The following KIRREL3 variants were observed in gnomAD, a reference collection of about 807,000 sequenced individuals.
The protein encoded by KIRREL3 is kin of IRRE-like protein 3.
KIRREL3 carries 36 observed loss-of-function variants against 89.7 expected under a neutral mutation model. The ratio of observed to expected loss-of-function variants is 0.40; its 90% CI spans 0.31 to 0.53. The LOEUF is 0.53. KIRREL3 is among the 20% of genes least tolerant of loss of function. The pLI is 0.49. For missense variants in KIRREL3, 864 were observed against 1,056.6 expected, an observed-to-expected ratio of 0.82 and a Z score of 2.53; for synonymous variants, 445 against 441.4, an observed-to-expected ratio of 1.01 and a Z score of -0.10.
In KIRREL3 at chr11:126,652,162, C is replaced by T. The variant is rs1204369745; in HGVS notation, c.56-89250G>A. Among the ~76,000 whole-genome samples, 3 of 152,132 alleles carry T rather than the reference C, an allele frequency of 2.0e-5. No individual in the cohort carries two copies. The East Asian group carries it at 5.8e-4, about 29-fold the overall frequency. On this transcript the variant is annotated intron_variant, in intron 1 of 16. Coordinates refer to ENST00000525144, the MANE Select transcript of KIRREL3 (RefSeq NM_032531.4). This position sits in a 1 kb window ranked among gnomAD's most constrained non-coding sequence, Gnocchi z 4.9. ...AACCCAAGGTTCTGGAGGTCACTGG[C>T]AGGCTGGAATTTCAGCCCCTCAGAG... is the stretch of plus-strand genomic sequence containing the variant.
rs190154754 is a variant in KIRREL3, at chr11:126,535,346, C to A, written c.134-8659G>T. On this transcript the variant is annotated intron_variant, in intron 2 of 16. Transcript: ENST00000525144. The surrounding 1 kb of genome is among the most constrained non-coding windows in gnomAD (Gnocchi z 4.5). Reference sequence around the variant, plus strand: ...CACACATTATCACGGAATGAACCATCACCATCTGGCTCCCAAAGTCCCCAC... The same window carrying A: ...CACACATTATCACGGAATGAACCATAACCATCTGGCTCCCAAAGTCCCCAC... 9.2e-5 allele frequency among the ~76,000 whole-genome samples: 14 copies of A among 152,306 alleles called. No homozygotes were observed. The highest frequency in any genetic ancestry group is 2.9e-4 in the African/African-American group (12 of 41,568).
At position 126,890,529 on chromosome 11, in the gene KIRREL3, G is replaced by A. The variant is rs115488712; in HGVS notation, c.55+109926C>T. Among the ~76,000 whole-genome samples the A allele has an allele frequency of 2.6e-5, 4 of 152,194 alleles. No individual in the cohort carries two copies. The highest frequency in any genetic ancestry group is 6.5e-5 in the Admixed American group (1 of 15,282). On this transcript the variant is annotated intron_variant, in intron 1 of 16. Coordinates refer to ENST00000525144, the MANE Select transcript of KIRREL3 (RefSeq NM_032531.4). The surrounding 1 kb of genome is among the most constrained non-coding windows in gnomAD (Gnocchi z 5.1). Reference sequence around the variant, plus strand: ...TCATCAAGCACTTTGCCATTTAATGGTGACCAAATCCCTCCAGTTTTCTGC... The same window carrying A: ...TCATCAAGCACTTTGCCATTTAATGATGACCAAATCCCTCCAGTTTTCTGC...
In KIRREL3 at chr11:126,844,959, C is replaced by T. The variant is rs1565346000; in HGVS notation, c.55+155496G>A. 6.6e-6 allele frequency among the ~76,000 whole-genome samples: 1 copy of T among 152,146 alleles called. No homozygotes were observed. Among genetic ancestry groups the T allele is most frequent in the South Asian group, 2.1e-4 (1 of 4,830 alleles). ...CTGGCCTCTCTGAGCTCTCTGCCTT[C>T]CCCACCCTGCTGTGCACAATGCTTT... On this transcript the variant is annotated intron_variant, in intron 1 of 16. Coordinates refer to ENST00000525144, the MANE Select transcript of KIRREL3 (RefSeq NM_032531.4). The surrounding 1 kb of genome is among the most constrained non-coding windows in gnomAD (Gnocchi z 4.8).
rs1389734064 is a variant in KIRREL3, at chr11:126,744,902, G to A, written c.56-181990C>T. On this transcript the variant is annotated intron_variant, in intron 1 of 16. Coordinates refer to ENST00000525144, the MANE Select transcript of KIRREL3 (RefSeq NM_032531.4). This position sits in a 1 kb window ranked among gnomAD's most constrained non-coding sequence, Gnocchi z 4.7. ...AAAAAAAAAAAAAAAGGTGGGAAAA[G>A]TAGCTGAGAACTGGTTTACTGAGGA... 6.6e-6 allele frequency among the ~76,000 whole-genome samples: 1 copy of A among 150,730 alleles called. No individual in the cohort carries two copies. Among genetic ancestry groups the A allele is most frequent in the African/African-American group, 2.4e-5 (1 of 40,984 alleles).
chr11:126,959,069 G>A (rs1949006278), intron 1 of KIRREL3, among the ~76,000 whole-genome samples: 1 of 152,158 alleles, frequency 6.6e-6, no homozygotes, highest in Non-Finnish European at 1.5e-5. Flanking sequence ...CTGAATAAGA[G>A]GGTACTCTTC....
chr11:126,457,355 G>GTT (rs1956396058), intron 6 of KIRREL3, among the ~76,000 whole-genome samples: 1 of 95,500 alleles, frequency 1.0e-5, no homozygotes, highest in South Asian at 3.8e-4. Flanking sequence ...GTGTATGTAT[G>GTT]TCTCTGTGTG....
chr11:126,968,725 G>A (rs1949349166), intron 1 of KIRREL3, among the ~76,000 whole-genome samples: 1 of 152,196 alleles, frequency 6.6e-6, no homozygotes, highest in African/African-American at 2.4e-5. Flanking sequence ...TAACACGGCA[G>A]CCCCTTTTGG....
chr11:126,445,197 T>C, intron 9 of KIRREL3, 92 bp from the exon 10 acceptor site: 1 of 1,498,276 alleles, frequency 6.7e-7, no homozygotes, highest in South Asian at 1.2e-5. Context: ...TGGCCTGGGG[T>C]AACTGAGGCA....
chr11:126,689,734 T>G lies in KIRREL3; in HGVS notation c.56-126822A>C, dbSNP rs1946808759. On this transcript the variant is annotated intron_variant, in intron 1 of 16. Transcript: ENST00000525144. This position sits in a 1 kb window ranked among gnomAD's most constrained non-coding sequence, Gnocchi z 5.2. ...CTACCTGTCTTCCTGTCACTTTTCT[T>G]TGGCCACCTGGGTCTCAGCAGAGGC... Among the ~76,000 whole-genome samples, 2 of 152,236 alleles carry G rather than the reference T, an allele frequency of 1.3e-5. No homozygotes were observed. Among genetic ancestry groups the G allele is most frequent in the African/African-American group, 2.4e-5 (1 of 41,466 alleles).
At position 126,571,421 on chromosome 11, in the gene KIRREL3, G is replaced by T. The variant is rs508073; in HGVS notation, c.56-8509C>A. Among the ~76,000 whole-genome samples the T allele has an allele frequency of 0.25, 37,523 of 152,054 alleles. 4,799 individuals carry two copies. The highest frequency in any genetic ancestry group is 0.29 in the Non-Finnish European group (19,387 of 67,952). ...TTACTATCTTTGGGGGCTGGGTGCA[G>T]CCCAGCCTTGCCCCTCTCCCTTGGC... On this transcript the variant is annotated intron_variant, in intron 1 of 16. Transcript: ENST00000525144. This position sits in a 1 kb window ranked among gnomAD's most constrained non-coding sequence, Gnocchi z 7.7.
chr11:126,939,304 C>T (rs1458319657), intron 1 of KIRREL3, among the ~76,000 whole-genome samples: 1 of 152,174 alleles, frequency 6.6e-6, no homozygotes, highest in East Asian at 1.9e-4. Context: ...CCTTCGAGCG[C>T]TTAATTAGTT....
Position 126,995,112 on chromosome 11 carries a change from T to C in KIRREL3, c.55+5343A>G, listed in dbSNP as rs1381772547. On this transcript the variant is annotated intron_variant, in intron 1 of 16. Coordinates refer to ENST00000525144, the MANE Select transcript of KIRREL3 (RefSeq NM_032531.4). The surrounding 1 kb of genome is among the most constrained non-coding windows in gnomAD (Gnocchi z 6.5). ...CGATTACAACCTGGGCGCAGTATAC[T>C]GGCTGGCTTTGCTGCTCACTCCCTT... 1 of 445,352 alleles carries C rather than the reference T, an allele frequency of 2.2e-6. No individual in the cohort carries two copies. The allele number at this position is 445,352 out of a possible 1,614,324, so 27.6% of individuals were successfully genotyped here.
rs1198736606 is a variant in KIRREL3 at position 126,455,197 on chromosome 11, T to G, written c.848+1152A>C. 6.6e-6 allele frequency among the ~76,000 whole-genome samples: 1 copy of G among 152,274 alleles called. No homozygotes were observed. The highest frequency in any genetic ancestry group is 1.9e-4 in the East Asian group (1 of 5,162). On this transcript the variant is annotated intron_variant, in intron 7 of 16. Transcript: ENST00000525144. The surrounding 1 kb of genome is among the most constrained non-coding windows in gnomAD (Gnocchi z 6.4). The stretch of plus-strand genomic sequence containing the variant: ...GGCTCCACCACTAAGCCTGGTCTGG[T>G]GGAAAGAGACCAGGCTGAGTCAGGG...
intron 1 of KIRREL3, among the ~76,000 whole-genome samples, chr11:126,823,451 A>G (rs1460875008): frequency 6.6e-6 from 1 of 152,114 alleles, no homozygotes; most frequent in Non-Finnish European, 1.5e-5. Context: ...TATGTTAGAC[A>G]TCTGTGTCCT....
At chr11:126,512,004 G>A (rs767012474) in intron 4 of KIRREL3, among the ~76,000 whole-genome samples, 3 of 152,150 alleles carry the variant, frequency 2.0e-5, no homozygotes, top group Non-Finnish European at 4.4e-5. Context: ...AGCTGGAGCT[G>A]GGACAGGGGT....
Position 126,782,515 on chromosome 11 carries a change from C to T in KIRREL3, c.55+217940G>A, listed in dbSNP as rs369349292. On this transcript the variant is annotated intron_variant, in intron 1 of 16. Transcript: ENST00000525144. The surrounding 1 kb of genome is among the most constrained non-coding windows in gnomAD (Gnocchi z 4.1). ...GCAGGGGTGCCACTAGCTGATTTAG[C>T]GACTTTTGTATTAATTCAGAAAAGA... 9.3e-4 allele frequency among the ~76,000 whole-genome samples: 141 copies of T among 152,240 alleles called. 3 individuals carry two copies. Among genetic ancestry groups the T allele is most frequent in the African/African-American group, 2.9e-3 (122 of 41,536 alleles).
rs1565403560 is a variant in KIRREL3, at chr11:126,905,577, G to T, written c.55+94878C>A. Among the ~76,000 whole-genome samples, 1 of 152,080 alleles carries T rather than the reference G, an allele frequency of 6.6e-6. No individual in the cohort carries two copies. The highest frequency in any genetic ancestry group is 1.5e-5 in the Non-Finnish European group (1 of 68,008). On this transcript the variant is annotated intron_variant, in intron 1 of 16. Coordinates refer to ENST00000525144, the MANE Select transcript of KIRREL3 (RefSeq NM_032531.4). This position sits in a 1 kb window ranked among gnomAD's most constrained non-coding sequence, Gnocchi z 5.0. ...TTTCATTTTGGGCCTTATCGAACCT[G>T]TCCCGCTTGTGACCCACAAGAGCAT...
At chr11:126,915,002 T>A (rs1271760743) in intron 1 of KIRREL3, among the ~76,000 whole-genome samples, 1 of 152,224 alleles carries the variant, frequency 6.6e-6, no homozygotes, top group Non-Finnish European at 1.5e-5. Flanking sequence ...GACTCTGACC[T>A]TAAAAACCAA....
In KIRREL3 at chr11:126,812,507, G is replaced by C. The variant is rs116272953; in HGVS notation, c.55+187948C>G. On this transcript the variant is annotated intron_variant, in intron 1 of 16. Transcript: ENST00000525144. The surrounding 1 kb of genome is among the most constrained non-coding windows in gnomAD (Gnocchi z 5.2). ...CATGAAAGGCAAGACAGATGCACAC[G>C]AGTCAGTTCTGCCACTCCAGTACTC... Among the ~76,000 whole-genome samples, 613 of 152,278 alleles carry C rather than the reference G, an allele frequency of 4.0e-3. 2 individuals carry two copies. Among genetic ancestry groups the C allele is most frequent in the African/African-American group, 0.014 (576 of 41,550 alleles).
Sources: allele counts gnomAD v4.1 joint callset (sites outside exome capture counted in the v4.1 genomes callset), GRCh38; gene constraint gnomAD v4.1.1; non-coding constraint Gnocchi (gnomAD v3.1); transcripts MANE v1.5; gene names NCBI Gene and HGNC (gene_info 2026-07-23, HGNC 2026-07-21).